Variants in GASK1A observed in about 807,000 individuals in gnomAD.
The protein encoded by GASK1A is Golgi-associated kinase 1A.
GASK1A carries 40 observed loss-of-function variants against 41.2 expected under a neutral mutation model. The observed-to-expected ratio is 0.97, with a 90% confidence interval of 0.75 to 1.27. The LOEUF is 1.27. GASK1A is among the 50% of genes most tolerant of loss of function. The pLI is 0.00. For missense variants in GASK1A, 678 were observed against 745.1 expected (o/e 0.91, Z 1.05); for synonymous variants, 316 against 307.1 (o/e 1.03, Z -0.30).
At chr3:43,045,526 T>C (rs543115463) in intron 2 of GASK1A, among the ~76,000 whole-genome samples, 1 of 152,364 alleles carries the variant, frequency 6.6e-6, no homozygotes, top group East Asian at 1.9e-4. Flanking sequence ...TGACAGAGAC[T>C]GTATGGCATC....
At chr3:43,029,212 C>G (rs2089562451) in intron 1 of GASK1A, among the ~76,000 whole-genome samples, 1 of 151,952 alleles carries the variant, frequency 6.6e-6, no homozygotes, top group Admixed American at 6.6e-5. Context: ...GGGATCAGCT[C>G]AGAGCTGCAA....
At chr3:42,983,577 C>A (rs1040751499) in intron 1 of GASK1A, among the ~76,000 whole-genome samples, 3 of 152,228 alleles carry the variant, frequency 2.0e-5, no homozygotes, top group Non-Finnish European at 2.9e-5. Flanking sequence ...GCTCCCCAAA[C>A]AGCCGCAGGT....
intron 1 of GASK1A, among the ~76,000 whole-genome samples, chr3:43,020,431 C>T (rs1271773833): frequency 6.6e-6 from 1 of 152,166 alleles, no homozygotes; most frequent in Non-Finnish European, 1.5e-5. Flanking sequence ...GACTGGGTTG[C>T]ACCATCATCC....
intron 1 of GASK1A, among the ~76,000 whole-genome samples, chr3:43,027,601 A>G (rs1410493230): frequency 6.6e-6 from 1 of 152,184 alleles, no homozygotes; most frequent in Non-Finnish European, 1.5e-5. Context: ...TAATTTTAAT[A>G]TTGTTCTTTT....
chr3:42,995,846 C>A (rs2089366402), intron 1 of GASK1A, among the ~76,000 whole-genome samples: 1 of 152,212 alleles, frequency 6.6e-6, no homozygotes, highest in African/African-American at 2.4e-5. Flanking sequence ...TATTTTTCAG[C>A]AGCAATCCCC....
chr3:43,009,254 A>G (rs17455760), intron 1 of GASK1A, among the ~76,000 whole-genome samples: 25,204 of 152,156 alleles, frequency 0.17, 2,595 homozygotes, highest in Non-Finnish European at 0.23. Context: ...GAGTGTAAGT[A>G]TTTGTTGAAA....
At chr3:42,997,441 G>GT (rs1162418889) in intron 1 of GASK1A, among the ~76,000 whole-genome samples, 5 of 135,850 alleles carry the variant, frequency 3.7e-5, no homozygotes, top group Admixed American at 2.9e-4. Context: ...AGAGAGAGGG[G>GT]GGGGGGATCT....
chr3:43,005,627 G>A (rs2089432164), intron 1 of GASK1A, among the ~76,000 whole-genome samples: 1 of 152,192 alleles, frequency 6.6e-6, no homozygotes, highest in South Asian at 2.1e-4. Context: ...TGCAATTGGA[G>A]TGTGACAAAG....
chr3:43,007,518 C>T (rs2089442347), intron 1 of GASK1A, among the ~76,000 whole-genome samples: 1 of 152,142 alleles, frequency 6.6e-6, no homozygotes, highest in Non-Finnish European at 1.5e-5. Context: ...ATCCTATCAG[C>T]ACCAGTCCTT....
chr3:42,985,391 C>T (rs1328350893), intron 1 of GASK1A, among the ~76,000 whole-genome samples: 1 of 152,182 alleles, frequency 6.6e-6, no homozygotes, highest in Non-Finnish European at 1.5e-5. Context: ...AATGCTCCCT[C>T]TGTCTCCCTG....
chr3:43,038,388 T>G (rs746009239), intron 2 of GASK1A, among the ~76,000 whole-genome samples: 3 of 152,262 alleles, frequency 2.0e-5, no homozygotes, highest in Admixed American at 6.5e-5. Flanking sequence ...TAATTCTGTT[T>G]AGTCATTGAC....
chr3:43,032,860 AG>A lies in GASK1A; in HGVS notation c.599del (p.Gly200AlafsTer12). On this transcript the variant is annotated frameshift_variant, in exon 2 of 5. Transcript: ENST00000430121. LOFTEE classifies it high-confidence loss of function. Reference sequence around the variant, plus strand: ...TGACACTCTGGCCCCATACAGCAGAAGGCAGGGATCTGCTGGGAGCTGAGAA... The same window carrying A: ...TGACACTCTGGCCCCATACAGCAGAAGCAGGGATCTGCTGGGAGCTGAGAA... Reference protein sequence around the residue: ...GLTLWPHTAEGRDLLGAENRA... With the variant: ...GLTLWPHTAEXRDLLGAENRA... 1 of 1,549,464 alleles carries A rather than the reference AG, an allele frequency of 6.5e-7. No homozygotes were observed. The highest frequency in any genetic ancestry group is 1.2e-5 in the South Asian group (1 of 84,062).
At chr3:43,039,865 GT>G (rs980865949) in intron 2 of GASK1A, among the ~76,000 whole-genome samples, 10 of 152,078 alleles carry the variant, frequency 6.6e-5, no homozygotes, top group Non-Finnish European at 1.3e-4. Flanking sequence ...CCTATTTTCT[GT>G]TGGGTTGTTG....
Position 43,019,741 on chromosome 3 carries a change from C to T in GASK1A, c.4-12526C>T, listed in dbSNP as rs78231831. ...CTTTAGTGATGACTCCAGAGTTAGA[C>T]CCAAATTCCGTTTTTAACACACACA... On this transcript the variant is annotated intron_variant, in intron 1 of 4. Transcript: ENST00000430121. Among the ~76,000 whole-genome samples the T allele has an allele frequency of 8.7e-4, 130 of 149,086 alleles. 2 individuals are homozygous for T. In the East Asian group the frequency reaches 0.023, roughly 26 times the overall value.
chr3:42,979,604 TGAGCGCGCC>T lies in GASK1A; in HGVS notation c.-35_-27del. On this transcript the variant is annotated 5_prime_UTR_variant, in exon 1 of 5. Transcript: ENST00000430121. ...AGGCGGGATGAGTCTGCGAGCCGGC[TGAGCGCGCC>T]GAGGAGCCGGCCGGGGCACCGCCGG... The T allele has an allele frequency of 8.1e-7, 1 of 1,241,534 alleles. No homozygotes were observed. The highest frequency in any genetic ancestry group is 1.0e-6 in the Non-Finnish European group (1 of 987,696). The allele number at this position is 1,241,534 out of a possible 1,614,324, so 76.9% of individuals were successfully genotyped here.
chr3:43,006,471 G>A (rs1048187377), intron 1 of GASK1A, among the ~76,000 whole-genome samples: 5 of 152,186 alleles, frequency 3.3e-5, no homozygotes, highest in Non-Finnish European at 7.3e-5. Context: ...CTTGAGTATA[G>A]AATTAAAAGA....
chr3:43,042,305 CAAAAAAAA>C (rs61149633), intron 2 of GASK1A, among the ~76,000 whole-genome samples: 329 of 132,020 alleles, frequency 2.5e-3, no homozygotes, highest in Middle Eastern at 4.0e-3. Flanking sequence ...CTTGTCCCTA[CAAAAAAAA>C]AAAAAAAAAA....
Position 43,056,975 on chromosome 3 carries a change from A to G in GASK1A, c.*589A>G, listed in dbSNP as rs1372703406. 4 of 152,266 alleles carry G rather than the reference A, an allele frequency of 2.6e-5. No homozygotes were observed. Among genetic ancestry groups the G allele is most frequent in the Non-Finnish European group, 5.9e-5 (4 of 68,060 alleles). 9.4% of individuals were successfully genotyped at this position (152,266 alleles called of 1,614,324 possible). A position where few individuals can be genotyped will look rare whatever the true frequency, so the allele number is the denominator to read the frequency against. On this transcript the variant is annotated 3_prime_UTR_variant, in exon 5 of 5. Transcript: ENST00000430121. ...AAACAAGTCCATAAAAAATAGAAGCATATGACAAAAAGCATAAGTCCCACA... is the reference window on the plus strand; with the variant it reads ...AAACAAGTCCATAAAAAATAGAAGCGTATGACAAAAAGCATAAGTCCCACA...
intron 1 of GASK1A, among the ~76,000 whole-genome samples, chr3:43,018,390 A>T (rs2125682290): frequency 6.6e-6 from 1 of 152,316 alleles, no homozygotes; most frequent in South Asian, 2.1e-4. Flanking sequence ...CTCACAAGTC[A>T]GATGTTTTCA....
Sources: allele counts gnomAD v4.1 joint callset (sites outside exome capture counted in the v4.1 genomes callset), GRCh38; gene constraint gnomAD v4.1.1; transcripts MANE v1.5; gene names NCBI Gene and HGNC (gene_info 2026-07-23, HGNC 2026-07-21).